Variants in PABPN1L observed in about 807,000 individuals in gnomAD.
The protein encoded by PABPN1L is embryonic polyadenylate-binding protein 2.
PABPN1L carries 45 observed loss-of-function variants against 34.0 expected under a neutral mutation model. The observed-to-expected ratio is 1.32, with a 90% CI of 1.04 to 1.70. The LOEUF is 1.70. PABPN1L is among the 40% of genes most tolerant of loss of function. PABPN1L has a pLI of 0.00. For missense variants in PABPN1L, 459 were observed against 367.8 expected (o/e 1.25, Z -2.03); for synonymous variants, 182 against 152.1 (o/e 1.20, Z -1.45).
chr16:88,866,477 C>G (rs775503707), exon 1 of PABPN1L: 1 of 1,551,496 alleles, frequency 6.4e-7, no homozygotes, highest in African/African-American at 1.4e-5. Flanking sequence ...CCTTCCCCAC[C>G]CTCTGGCCCC....
At position 88,866,374 on chromosome 16, in the gene PABPN1L, GC is replaced by G; in HGVS notation, c.232del (p.Ala78LeufsTer15). On this transcript the variant is annotated frameshift_variant, in exon 1 of 7. Transcript: ENST00000419291. LOFTEE classifies it high-confidence loss of function. ...TACCTGGTCAGGCAATGGGCACTCAGCCAGGTTCTCTTGCTCCAGCAGAGAC... is the reference window on the plus strand; with the variant it reads ...TACCTGGTCAGGCAATGGGCACTCAGCAGGTTCTCTTGCTCCAGCAGAGAC... 1 of 1,550,516 alleles carries G rather than the reference GC, an allele frequency of 6.4e-7. No homozygotes were observed. The highest frequency in any genetic ancestry group is 1.4e-5 in the African/African-American group (1 of 73,168).
At chr16:88,865,586 G>C (rs558857040) in exon 3 of PABPN1L, 1 of 1,611,880 alleles carries the variant, frequency 6.2e-7, no homozygotes, top group South Asian at 1.1e-5. Context: ...ACGGATCTGT[G>C]GTCAGCCTCC....
intron 2 of PABPN1L, 61 bp from the exon 3 acceptor site, chr16:88,865,691 G>T: frequency 1.3e-6 from 2 of 1,559,654 alleles, no homozygotes; most frequent in South Asian, 2.4e-5. Flanking sequence ...CTCTCACGGG[G>T]AAGGTCGCCC....
exon 2 of PABPN1L, chr16:88,865,871 A>G (rs1287434726): frequency 8.1e-6 from 13 of 1,609,382 alleles, no homozygotes; most frequent in African/African-American, 1.3e-5. Context: ...CTGTTGCTGC[A>G]CTCCTGGAGG....
At chr16:88,864,213 C>G in intron 6 of PABPN1L, 24 bp downstream of exon 6, 1 of 1,511,148 alleles carries the variant, frequency 6.6e-7, no homozygotes, top group South Asian at 1.2e-5. Context: ...CGCCCCCAGG[C>G]TGCCCCCACA....
chr16:88,865,794 C>G lies in PABPN1L; in HGVS notation c.391+12G>C. The stretch of plus-strand genomic sequence containing the variant: ...TGCTCAGTGGGGGGCGGCCTGTGCC[C>G]TTGGTTCCTACCCACGGTCTCAGGG... On this transcript the variant is annotated intron_variant, in intron 2 of 6. Coordinates refer to ENST00000419291, the Ensembl canonical transcript of PABPN1L. The G allele has an allele frequency of 6.3e-7, 1 of 1,599,062 alleles. No individual in the cohort carries two copies. The highest frequency in any genetic ancestry group is 1.1e-5 in the South Asian group (1 of 89,404).
At chr16:88,864,421 C>T (rs747778822) in intron 5 of PABPN1L, 42 bp from the exon 6 acceptor site, 18 of 1,529,050 alleles carry the variant, frequency 1.2e-5, no homozygotes, top group East Asian at 2.5e-5. Context: ...AAGGAGCAGC[C>T]GAGACCCAGC....
intron 5 of PABPN1L, 97 bp from the exon 6 acceptor site, chr16:88,864,476 C>T: frequency 6.9e-7 from 1 of 1,439,778 alleles, no homozygotes; most frequent in Non-Finnish European, 9.2e-7. Context: ...TGGGGTCCTG[C>T]CCGGCTCAGG....
At chr16:88,868,623 A>C (rs1007889377), upstream of PABPN1L, among the ~76,000 whole-genome samples, 43 of 151,668 alleles carry the variant, frequency 2.8e-4, no homozygotes, top group African/African-American at 9.9e-4. Flanking sequence ...AAACAAAAAA[A>C]CCCAAAGAGG....
intron 6 of PABPN1L, 110 bp from the exon 7 acceptor site, chr16:88,863,905 C>A (rs2143019240): frequency 1.8e-6 from 2 of 1,137,184 alleles, no homozygotes; most frequent in South Asian, 1.5e-5. Flanking sequence ...CCTGGCTGCT[C>A]AGGCAATGCC....
At chr16:88,866,548 G>C (rs909731345) in exon 1 of PABPN1L, 1 of 1,552,172 alleles carries the variant, frequency 6.4e-7, no homozygotes, top group Non-Finnish European at 8.7e-7. Flanking sequence ...TGAGGAGACC[G>C]TCTGGAGCCA....
chr16:88,866,547 C>A (rs369188821), exon 1 of PABPN1L: 1 of 1,551,958 alleles, frequency 6.4e-7, no homozygotes, highest in East Asian at 2.4e-5. Flanking sequence ...CTGAGGAGAC[C>A]GTCTGGAGCC....
upstream of PABPN1L, among the ~76,000 whole-genome samples, chr16:88,868,563 G>A (rs8059148): frequency 0.092 from 13,912 of 152,024 alleles, 1,634 homozygotes; most frequent in African/African-American, 0.27. Flanking sequence ...CCGAGATCGC[G>A]CCACTGCACT....
chr16:88,867,835 G>C (rs1375777065), upstream of PABPN1L, among the ~76,000 whole-genome samples: 2 of 152,212 alleles, frequency 1.3e-5, no homozygotes, highest in Non-Finnish European at 2.9e-5. Flanking sequence ...CACCCACTCT[G>C]TGAAGGACTC....
At chr16:88,863,868 C>G (rs2143019226) in intron 6 of PABPN1L, 73 bp from the exon 7 acceptor site, 3 of 1,435,546 alleles carry the variant, frequency 2.1e-6, no homozygotes, top group Non-Finnish European at 2.8e-6. Context: ...CCCCGGGGGA[C>G]AACAGGATAA....
At chr16:88,869,534 C>T (rs1440666877), upstream of PABPN1L, among the ~76,000 whole-genome samples, 1 of 152,174 alleles carries the variant, frequency 6.6e-6, no homozygotes, top group Non-Finnish European at 1.5e-5. Context: ...GGGCAGCGCC[C>T]ACATCTGCAC....
intron 5 of PABPN1L, 36 bp downstream of exon 5, chr16:88,864,817 C>T (rs373633080): frequency 5.8e-5 from 90 of 1,555,650 alleles, no homozygotes; most frequent in Non-Finnish European, 7.4e-5. Flanking sequence ...AGCCCCTCTG[C>T]GCTCATGTTC....
chr16:88,864,098 G>C (rs1161315219), intron 6 of PABPN1L, 139 bp downstream of exon 6: 2 of 1,199,002 alleles, frequency 1.7e-6, no homozygotes, highest in Admixed American at 5.9e-5. Context: ...AGCTGATGCA[G>C]CAGCCACAGC....
chr16:88,865,142 C>T lies in PABPN1L; in HGVS notation c.460-14G>A. The T allele has an allele frequency of 6.4e-7, 1 of 1,559,518 alleles. No individual in the cohort carries two copies. The highest frequency in any genetic ancestry group is 8.7e-7 in the Non-Finnish European group (1 of 1,152,410). On this transcript the variant is annotated splice_polypyrimidine_tract_variant and intron_variant, in intron 3 of 6. Transcript: ENST00000419291. ...CCCGTAGTCCACCTGCACCCAGGCC[C>T]AGACCAGCATGTGAGGGAGACGCCT...
Sources: allele counts gnomAD v4.1 joint callset (sites outside exome capture counted in the v4.1 genomes callset), GRCh38; gene constraint gnomAD v4.1.1; transcripts MANE v1.5; gene names NCBI Gene and HGNC (gene_info 2026-07-23, HGNC 2026-07-21).